The following FREM1 variants were observed in gnomAD, a reference collection of about 807,000 sequenced individuals.
The protein encoded by FREM1 is FRAS1-related extracellular matrix protein 1.
Under a neutral mutation model 210.1 loss-of-function variants are expected in FREM1, and 220 were observed. The observed-to-expected ratio is 1.05, with a 90% CI of 0.94 to 1.17. The LOEUF is 1.17. Among genes scored for constraint, FREM1 ranks in the 50% most tolerant of loss-of-function variants. The pLI, the probability that FREM1 is intolerant of heterozygous loss-of-function variation, is 0.00. For synonymous variants in FREM1, 1,189 were observed against 980.2 expected, an observed-to-expected ratio of 1.21 and a Z score of -3.98; for missense variants, 3,454 against 2,675.5, an observed-to-expected ratio of 1.29 and a Z score of -6.42.
intron 1 of FREM1, among the ~76,000 whole-genome samples, chr9:14,891,209 G>C (rs1416525275): frequency 1.3e-5 from 2 of 152,184 alleles, no homozygotes; most frequent in Admixed American, 6.5e-5. Context: ...TCATGTCCAG[G>C]AATTCATCTT....
chr9:14,904,016 G>C (rs28689855), intron 1 of FREM1, among the ~76,000 whole-genome samples: 4,090 of 151,260 alleles, frequency 0.027, 195 homozygotes, highest in African/African-American at 0.092. Context: ...CAGCTGCTTG[G>C]GAGGCTGAGG....
intron 28 of FREM1, among the ~76,000 whole-genome samples, chr9:14,758,912 G>A (rs10961694): frequency 6.6e-6 from 1 of 152,170 alleles, no homozygotes; most frequent in African/African-American, 2.4e-5. Flanking sequence ...GCCTGTATTA[G>A]TATATGCTCT....
intron 23 of FREM1, among the ~76,000 whole-genome samples, chr9:14,788,526 A>T (rs1328094902): frequency 6.6e-6 from 1 of 152,140 alleles, no homozygotes; most frequent in South Asian, 2.1e-4. Flanking sequence ...TTATTGTTTT[A>T]GAAGTACTTT....
At chr9:14,811,983 T>C (rs1249498669) in intron 16 of FREM1, among the ~76,000 whole-genome samples, 2 of 152,146 alleles carry the variant, frequency 1.3e-5, no homozygotes, top group African/African-American at 4.8e-5. Flanking sequence ...ATATGCAGCA[T>C]TGTTACCAAG....
At chr9:14,764,544 A>G (rs1424105712) in intron 27 of FREM1, among the ~76,000 whole-genome samples, 1 of 152,224 alleles carries the variant, frequency 6.6e-6, no homozygotes, top group African/African-American at 2.4e-5. Flanking sequence ...AAACATATGT[A>G]TGCTATTTTC....
chr9:14,771,900 G>C (rs893848383), intron 25 of FREM1, among the ~76,000 whole-genome samples: 1 of 151,836 alleles, frequency 6.6e-6, no homozygotes, highest in Non-Finnish European at 1.5e-5. Flanking sequence ...AATAGAATTC[G>C]AATATAATTA....
Position 14,759,920 on chromosome 9 carries a change from G to C in FREM1, c.5205-19C>G, listed in dbSNP as rs1845177166. 2.5e-6 allele frequency: 4 copies of C among 1,598,506 alleles called. No individual in the cohort carries two copies. Among genetic ancestry groups the C allele is most frequent in the South Asian group, 1.1e-5 (1 of 88,078 alleles). On this transcript the variant is annotated intron_variant, in intron 27 of 36. Coordinates refer to ENST00000380880, the MANE Select transcript of FREM1 (RefSeq NM_001379081.2). ...TTCCAAACTGTGTGTGAAAGGAAAA[G>C]AGAAATCATGAGAATGCATAGTATA... is the stretch of plus-strand genomic sequence containing the variant.
chr9:14,874,568 C>T (rs1233234207), intron 1 of FREM1, among the ~76,000 whole-genome samples: 2 of 150,710 alleles, frequency 1.3e-5, no homozygotes, highest in African/African-American at 4.9e-5. Flanking sequence ...TGTCTCTGCA[C>T]ATGAGATGGG....
chr9:14,747,421 C>A lies in FREM1; in HGVS notation c.5852G>T (p.Gly1951Val). Residue 1951 changes from glycine (G) to valine (V), a missense_variant, in exon 33 of 37, where the codon GGG becomes GTG. By Grantham distance (109) the Gly-to-Val change is moderately radical. Transcript: ENST00000380880. ...NGTDIIYNYH[G>V]IVSLKLEDDS... ...ATCCTCCAGTTTCAAGGAAACTATC[C>A]CATGATACTTGAGGAAACCAACAAT... 2 of 1,612,952 alleles carry A rather than the reference C, an allele frequency of 1.2e-6. No homozygotes were observed. The highest frequency in any genetic ancestry group is 1.7e-6 in the Non-Finnish European group (2 of 1,179,408).
chr9:14,864,780 G>A (rs1831212634), intron 2 of FREM1, among the ~76,000 whole-genome samples: 2 of 152,120 alleles, frequency 1.3e-5, no homozygotes, highest in Non-Finnish European at 1.5e-5. Context: ...CCTTTTCACA[G>A]CCTCAAACAT....
chr9:14,741,148 A>C (rs906944080), intron 35 of FREM1, among the ~76,000 whole-genome samples: 1 of 152,210 alleles, frequency 6.6e-6, no homozygotes, highest in Non-Finnish European at 1.5e-5. Context: ...ACAAGGAAAA[A>C]AATTAAATCA....
At chr9:14,881,879 G>A (rs114338116) in intron 1 of FREM1, among the ~76,000 whole-genome samples, 5,353 of 152,270 alleles carry the variant, frequency 0.035, 336 homozygotes, top group African/African-American at 0.12. Flanking sequence ...GTTACGGTGT[G>A]CCTCTTCTCC....
rs142969285 is a variant in FREM1, at chr9:14,858,937, T to C, written c.631+246A>G. Among the ~76,000 whole-genome samples the C allele has an allele frequency of 2.7e-3, 411 of 152,312 alleles. 2 individuals carry two copies. The highest frequency in any genetic ancestry group is 0.01 in the Middle Eastern group (3 of 294). ...CAACCCTACAGGGCAGCTATTTTCC[T>C]TTCTCATTTTAGAGAGGCTTAGACA... On this transcript the variant is annotated intron_variant, in intron 4 of 36. Coordinates refer to ENST00000380880, the MANE Select transcript of FREM1 (RefSeq NM_001379081.2).
Position 14,843,830 on chromosome 9 carries a change from A to G in FREM1, c.1394-1170T>C, listed in dbSNP as rs185062375. ...TTCAGGGGTGGGTGGGAGGGAGGCAACAACCAGTGTTATCAAGCCTATTTG... is the reference window on the plus strand; with the variant it reads ...TTCAGGGGTGGGTGGGAGGGAGGCAGCAACCAGTGTTATCAAGCCTATTTG... On this transcript the variant is annotated intron_variant, in intron 8 of 36. Coordinates refer to ENST00000380880, the MANE Select transcript of FREM1 (RefSeq NM_001379081.2). 1.6e-3 allele frequency among the ~76,000 whole-genome samples: 248 copies of G among 152,218 alleles called. 3 individuals are homozygous for G. The highest frequency in any genetic ancestry group is 5.8e-3 in the African/African-American group (241 of 41,510).
At chr9:14,738,121 T>G (rs1840735505) in intron 36 of FREM1, among the ~76,000 whole-genome samples, 1 of 152,216 alleles carries the variant, frequency 6.6e-6, no homozygotes, top group South Asian at 2.1e-4. Context: ...TGTTTCAATC[T>G]GCTACAATTC....
chr9:14,886,442 G>A (rs916588392), intron 1 of FREM1, among the ~76,000 whole-genome samples: 2 of 147,480 alleles, frequency 1.4e-5, no homozygotes, highest in Non-Finnish European at 3.0e-5. Context: ...ACAGAGAAAT[G>A]GCATTTTAAC....
intron 1 of FREM1, among the ~76,000 whole-genome samples, chr9:14,876,624 C>A (rs111537308): frequency 1.3e-5 from 2 of 152,152 alleles, no homozygotes; most frequent in African/African-American, 4.8e-5. Flanking sequence ...TGATCCCTTG[C>A]GCTTCCCAAG....
chr9:14,771,595 A>G (rs569286022), intron 25 of FREM1, among the ~76,000 whole-genome samples: 2 of 152,190 alleles, frequency 1.3e-5, no homozygotes, highest in African/African-American at 4.8e-5. Context: ...GCAGGTTTGG[A>G]TGGATTAGAA....
At chr9:14,811,762 T>C (rs7863283) in intron 16 of FREM1, among the ~76,000 whole-genome samples, 4,718 of 152,198 alleles carry the variant, frequency 0.031, 213 homozygotes, top group African/African-American at 0.11. Flanking sequence ...GCTATCTCCA[T>C]CCCTCCTCCT....
Sources: allele counts gnomAD v4.1 joint callset (sites outside exome capture counted in the v4.1 genomes callset), GRCh38; gene constraint gnomAD v4.1.1; transcripts MANE v1.5; gene names NCBI Gene and HGNC (gene_info 2026-07-23, HGNC 2026-07-21).